PTPRO: variants seen among roughly 807,000 people sequenced by gnomAD.
The protein encoded by PTPRO is protein tyrosine phosphatase receptor type O.
In PTPRO, 62 loss-of-function variants were observed where a neutral mutation model predicts 145.2. The ratio of observed to expected loss-of-function variants is 0.43; its 90% CI spans 0.35 to 0.53. The LOEUF is 0.53. Ranked by LOEUF, PTPRO falls within the 20% of genes least tolerant of loss-of-function variation. The probability of loss-of-function intolerance (pLI) is 0.01; values close to 1 mark genes in which losing one functional copy is unlikely to be tolerated. For missense variants in PTPRO, 1,345 were observed against 1,482.7 expected (o/e 0.91, Z 1.53); for synonymous variants, 565 against 514.7 (o/e 1.10, Z -1.32).
At chr12:15,442,845 A>G (rs1940806210) in intron 1 of PTPRO, among the ~76,000 whole-genome samples, 1 of 152,232 alleles carries the variant, frequency 6.6e-6, no homozygotes, top group African/African-American at 2.4e-5. Context: ...ATGAAAAAAC[A>G]TTCCATGCTC....
chr12:15,356,465 T>C (rs1937991542), intron 1 of PTPRO, among the ~76,000 whole-genome samples: 1 of 152,028 alleles, frequency 6.6e-6, no homozygotes, highest in Non-Finnish European at 1.5e-5. Context: ...CACATAGTAA[T>C]GCCTATAAAT....
intron 1 of PTPRO, among the ~76,000 whole-genome samples, chr12:15,355,752 G>A (rs1403000556): frequency 6.6e-6 from 1 of 152,076 alleles, no homozygotes; most frequent in African/African-American, 2.4e-5. Flanking sequence ...TAAATTGATA[G>A]GGTTAAACAT....
chr12:15,514,879 C>T (rs1172351867), intron 7 of PTPRO, among the ~76,000 whole-genome samples: 2 of 152,122 alleles, frequency 1.3e-5, no homozygotes, highest in African/African-American at 4.8e-5. Flanking sequence ...TCTCCTACCT[C>T]AGCCTCCTGA....
chr12:15,327,940 C>A (rs554600389), intron 1 of PTPRO, among the ~76,000 whole-genome samples: 126 of 152,000 alleles, frequency 8.3e-4, no homozygotes, highest in African/African-American at 2.9e-3. Context: ...ATGGTGAAAC[C>A]CCGTCTCTAC....
rs200103324 is a variant in PTPRO, at chr12:15,514,469, A to AG, written c.1465-1029_1465-1028insG. On this transcript the variant is annotated intron_variant, in intron 7 of 26. Coordinates refer to ENST00000281171, the MANE Select transcript of PTPRO (RefSeq NM_030667.3). ...TCTGTCTCAAAAAAAAAAAAAAAAA[A>AG]AAAAGAAAGAACAGTAAAGAAGGTC... Among the ~76,000 whole-genome samples, 278 of 145,200 alleles carry AG rather than the reference A, an allele frequency of 1.9e-3. 2 individuals are homozygous for AG. The highest frequency in any genetic ancestry group is 3.2e-3 in the Non-Finnish European group (217 of 66,926).
intron 9 of PTPRO, among the ~76,000 whole-genome samples, chr12:15,517,947 T>C (rs1325025100): frequency 6.6e-6 from 1 of 152,180 alleles, no homozygotes; most frequent in African/African-American, 2.4e-5. Flanking sequence ...TGGAGGATGG[T>C]GACCCTCTTC....
chr12:15,537,710 G>A (rs1263393492), intron 12 of PTPRO, among the ~76,000 whole-genome samples: 2 of 152,184 alleles, frequency 1.3e-5, no homozygotes, highest in Non-Finnish European at 2.9e-5. Flanking sequence ...AAAACAGCTT[G>A]TCTGTAGACT....
Position 15,515,527 on chromosome 12 carries a change from T to A in PTPRO, c.1494T>A (p.Asn498Lys). The A allele has an allele frequency of 6.2e-7, 1 of 1,613,958 alleles. No individual in the cohort carries two copies. The highest frequency in any genetic ancestry group is 8.5e-7 in the Non-Finnish European group (1 of 1,179,896). ...ACTCAAGCAAACCTATTATTGAAAATCTGGTTCCTGGTGCCCAGTACCAGG... is the reference window on the plus strand; with the variant it reads ...ACTCAAGCAAACCTATTATTGAAAAACTGGTTCCTGGTGCCCAGTACCAGG... Reference protein sequence around the residue: ...QVNSSKPIIENLVPGAQYQVV... With the variant: ...QVNSSKPIIEKLVPGAQYQVV... The change falls in exon 8 of 27, where the codon AAT becomes AAA. Residue 498 changes from asparagine (N) to lysine (K), a missense_variant. Physicochemically the swap from Asn to Lys is moderately conservative, Grantham distance 94 (BLOSUM62 0). Coordinates refer to ENST00000281171, the MANE Select transcript of PTPRO (RefSeq NM_030667.3).
At chr12:15,362,102 T>G (rs1390176662) in intron 1 of PTPRO, among the ~76,000 whole-genome samples, 1 of 152,210 alleles carries the variant, frequency 6.6e-6, no homozygotes, top group South Asian at 2.1e-4. Flanking sequence ...GGTATTGCAT[T>G]GCTGGTTAGC....
chr12:15,340,711 G>C (rs1866951492), intron 1 of PTPRO, among the ~76,000 whole-genome samples: 2 of 152,060 alleles, frequency 1.3e-5, no homozygotes, highest in Non-Finnish European at 2.9e-5. Context: ...AGCTTTTATG[G>C]TCAACGTTAG....
At chr12:15,413,036 AC>A (rs1939843428) in intron 1 of PTPRO, among the ~76,000 whole-genome samples, 1 of 150,748 alleles carries the variant, frequency 6.6e-6, no homozygotes, top group Non-Finnish European at 1.5e-5. Flanking sequence ...GAGGTGATCC[AC>A]CCGCCTCAGC....
At chr12:15,358,847 C>T (rs1383864308) in intron 1 of PTPRO, among the ~76,000 whole-genome samples, 2 of 152,362 alleles carry the variant, frequency 1.3e-5, no homozygotes, top group East Asian at 3.9e-4. Flanking sequence ...GTCAGAACTT[C>T]TGTTCAGTTT....
At chr12:15,398,720 G>A (rs186347483) in intron 1 of PTPRO, among the ~76,000 whole-genome samples, 475 of 151,746 alleles carry the variant, frequency 3.1e-3, no homozygotes, top group Non-Finnish European at 5.1e-3. Context: ...CCTGATTCAA[G>A]TAGATCTTCA....
At chr12:15,538,665 T>A (rs560276655) in intron 12 of PTPRO, among the ~76,000 whole-genome samples, 1 of 152,364 alleles carries the variant, frequency 6.6e-6, no homozygotes, top group South Asian at 2.1e-4. Flanking sequence ...GGCATTGACC[T>A]AAATACACAA....
At chr12:15,569,594 C>A in intron 19 of PTPRO, 96 bp downstream of exon 19, 1 of 1,107,736 alleles carries the variant, frequency 9.0e-7, no homozygotes. Context: ...ACTGGCAGTG[C>A]GTAACAAAAA....
chr12:15,546,735 C>A, intron 13 of PTPRO, 27 bp downstream of exon 13: 1 of 1,613,264 alleles, frequency 6.2e-7, no homozygotes, highest in East Asian at 2.2e-5. Context: ...TCTACCTTTT[C>A]TCAGTTAACT....
intron 1 of PTPRO, among the ~76,000 whole-genome samples, chr12:15,434,818 A>G (rs1426484552): frequency 2.6e-5 from 4 of 152,244 alleles, no homozygotes; most frequent in African/African-American, 9.6e-5. Context: ...ATTATCACAA[A>G]GAAAATGTGG....
intron 1 of PTPRO, among the ~76,000 whole-genome samples, chr12:15,363,771 T>C (rs931369255): frequency 1.3e-5 from 2 of 152,116 alleles, no homozygotes; most frequent in African/African-American, 4.8e-5. Flanking sequence ...TACAGCTCTT[T>C]GCAAAAAAAC....
chr12:15,559,350 G>A (rs1382187735), intron 16 of PTPRO, among the ~76,000 whole-genome samples: 1 of 152,162 alleles, frequency 6.6e-6, no homozygotes, highest in Non-Finnish European at 1.5e-5. Context: ...TGTAATAACT[G>A]AAGTGACAAG....
Sources: allele counts gnomAD v4.1 joint callset (sites outside exome capture counted in the v4.1 genomes callset), GRCh38; gene constraint gnomAD v4.1.1; transcripts MANE v1.5; gene names NCBI Gene and HGNC (gene_info 2026-07-23, HGNC 2026-07-21).